MLLT1: variants seen among roughly 807,000 people sequenced by gnomAD.
The protein encoded by MLLT1 is protein ENL.
A neutral mutation model predicts 55.1 loss-of-function variants in MLLT1; 11 were observed. The ratio of observed to expected loss-of-function variants is 0.20; its 90% CI spans 0.13 to 0.33. MLLT1 has a LOEUF of 0.33. Among genes scored for constraint, MLLT1 ranks in the 10% least tolerant of loss-of-function variants. MLLT1 has a pLI of 1.00. For missense variants in MLLT1, 536 were observed against 760.6 expected (o/e 0.70, Z 3.47); for synonymous variants, 323 against 320.1 (o/e 1.01, Z -0.10).
rs1024124999 is a variant in MLLT1 at position 6,222,965 on chromosome 19, C to G, written c.547-281G>C. Among the ~76,000 whole-genome samples, 2 of 152,190 alleles carry G rather than the reference C, an allele frequency of 1.3e-5. No individual in the cohort carries two copies. The highest frequency in any genetic ancestry group is 4.8e-5 in the African/African-American group (2 of 41,454). On this transcript the variant is annotated intron_variant, in intron 5 of 11. Transcript: ENST00000252674. This position sits in a 1 kb window ranked among gnomAD's most constrained non-coding sequence, Gnocchi z 4.1. Reference sequence around the variant, plus strand: ...CATTCCCTGAGGGATTCAAGAAGAGCACAGGGTGAGTCAGGCAGAGCATGG... The same window carrying G: ...CATTCCCTGAGGGATTCAAGAAGAGGACAGGGTGAGTCAGGCAGAGCATGG...
chr19:6,218,471 C>T (rs937154532), intron 6 of MLLT1, among the ~76,000 whole-genome samples: 2 of 152,242 alleles, frequency 1.3e-5, no homozygotes, highest in African/African-American at 4.8e-5. Context: ...GGTGTGGACA[C>T]TTCTTGTTCT....
chr19:6,216,677 C>A lies in MLLT1; in HGVS notation c.1199-164G>T, dbSNP rs567905797. 25 of 586,644 alleles carry A rather than the reference C, an allele frequency of 4.3e-5. 1 individual carries two copies. In the East Asian group the frequency reaches 6.8e-4, roughly 16 times the overall value. 36.3% of individuals were successfully genotyped at this position (586,644 alleles called of 1,614,324 possible). ...CCTGTGCCCATCTCTAAGAACTGCC[C>A]CCACACCGGCAGCCACCCGCTTCCC... On this transcript the variant is annotated intron_variant, in intron 7 of 11. Transcript: ENST00000252674.
rs1345167484 is a variant in MLLT1, at chr19:6,213,806, A to G, written c.1408-9T>C. The G allele has an allele frequency of 1.9e-6, 3 of 1,613,260 alleles. No homozygotes were observed. Among genetic ancestry groups the G allele is most frequent in the Non-Finnish European group, 2.5e-6 (3 of 1,179,650 alleles). ...CTCCTCCGGCCTGACACCTGCAGGGAACCCAGGTCTCTGCTGAGCTGTGGC... is the reference window on the plus strand; with the variant it reads ...CTCCTCCGGCCTGACACCTGCAGGGGACCCAGGTCTCTGCTGAGCTGTGGC... On this transcript the variant is annotated splice_polypyrimidine_tract_variant and intron_variant, in intron 9 of 11. Coordinates refer to ENST00000252674, the MANE Select transcript of MLLT1 (RefSeq NM_005934.4).
At chr19:6,258,871 T>C (rs2091280130) in intron 3 of MLLT1, among the ~76,000 whole-genome samples, 1 of 152,220 alleles carries the variant, frequency 6.6e-6, no homozygotes, top group African/African-American at 2.4e-5. Context: ...CTGAACTTCC[T>C]TGCCCAGACT....
Position 6,213,405 on chromosome 19 carries a change from A to T in MLLT1, c.1483T>A (p.Tyr495Asn). 6.2e-7 allele frequency: 1 copy of T among 1,611,098 alleles called. No individual in the cohort carries two copies. The highest frequency in any genetic ancestry group is 8.5e-7 in the Non-Finnish European group (1 of 1,179,756). ...TGTAGCTCCACCAGCTCATCCGTGTAGGCCTGGGGAGGGGGGGCAGGTCTC... is the reference window on the plus strand; with the variant it reads ...TGTAGCTCCACCAGCTCATCCGTGTTGGCCTGGGGAGGGGGGGCAGGTCTC... ...ILKKGTYDKA[Y>N]TDELVELHRR... The change falls in exon 11 of 12, where the codon TAC becomes AAC. Residue 495 changes from tyrosine to asparagine, a missense_variant. This residue lies in a region of MLLT1 where 449 missense variants were observed against 489.0 expected (regional missense o/e 0.92). Transcript: ENST00000252674.
chr19:6,234,075 T>G (rs1171727839), intron 3 of MLLT1, among the ~76,000 whole-genome samples: 2 of 152,154 alleles, frequency 1.3e-5, no homozygotes, highest in African/African-American at 4.8e-5. Flanking sequence ...GAAGGCTCCC[T>G]GGAGGCTGTG....
rs1174514674 is a variant in MLLT1 at position 6,230,633 on chromosome 19, G to A, written c.357C>T (p.Cys119=). Residue 119 remains cysteine (C), a synonymous_variant, in exon 4 of 12, where the codon TGC becomes TGT. Coordinates refer to ENST00000252674, the MANE Select transcript of MLLT1 (RefSeq NM_005934.4). The surrounding 1 kb of genome is among the most constrained non-coding windows in gnomAD (Gnocchi z 9.0). The stretch of plus-strand genomic sequence containing the variant: ...TGGGGTTGTTGAAGGTGAGCTTCTC[G>A]CAGCGCAGGTGGTTCACGGGCGGGT... ...EGNPPVNHLR[C]EKLTFNNPTT... The A allele has an allele frequency of 2.5e-6, 4 of 1,614,080 alleles. No individual in the cohort carries two copies. Among genetic ancestry groups the A allele is most frequent in the South Asian group, 1.1e-5 (1 of 91,088 alleles).
rs527765014 is a variant in MLLT1, at chr19:6,235,075, T to C, written c.277-4362A>G. ...CCTTTTGAAATATTTACACATGAAA[T>C]GAGGATGTCTGGGATTTGCTCCAGA... On this transcript the variant is annotated intron_variant, in intron 3 of 11. Coordinates refer to ENST00000252674, the MANE Select transcript of MLLT1 (RefSeq NM_005934.4). This position sits in a 1 kb window ranked among gnomAD's most constrained non-coding sequence, Gnocchi z 5.5. 6.6e-6 allele frequency among the ~76,000 whole-genome samples: 1 copy of C among 152,252 alleles called. No homozygotes were observed. Among genetic ancestry groups the C allele is most frequent in the South Asian group, 2.1e-4 (1 of 4,812 alleles).
At chr19:6,260,083 G>A (rs979105046) in intron 3 of MLLT1, among the ~76,000 whole-genome samples, 2 of 152,122 alleles carry the variant, frequency 1.3e-5, no homozygotes, top group Non-Finnish European at 1.5e-5. Context: ...GAGGAACATG[G>A]GGTCCCATGC....
chr19:6,247,365 C>G (rs936216864), intron 3 of MLLT1, among the ~76,000 whole-genome samples: 2 of 152,154 alleles, frequency 1.3e-5, no homozygotes, highest in Non-Finnish European at 2.9e-5. Flanking sequence ...GGGAAATACA[C>G]GGTGAGCCTG....
chr19:6,262,870 T>C lies in MLLT1; in HGVS notation c.194-560A>G, dbSNP rs117924814. Among the ~76,000 whole-genome samples the C allele has an allele frequency of 0.029, 4,465 of 151,518 alleles. 114 individuals are homozygous for C. Among genetic ancestry groups the C allele is most frequent in the Non-Finnish European group, 0.046 (3,110 of 67,834 alleles). Reference sequence around the variant, plus strand: ...CCCAAGTGACGCAAACAAAACCCCATTGACCCCAGAGATTAAAAAAGAAAA... The same window carrying C: ...CCCAAGTGACGCAAACAAAACCCCACTGACCCCAGAGATTAAAAAAGAAAA... On this transcript the variant is annotated intron_variant, in intron 2 of 11. Coordinates refer to ENST00000252674, the MANE Select transcript of MLLT1 (RefSeq NM_005934.4). The surrounding 1 kb of genome is among the most constrained non-coding windows in gnomAD (Gnocchi z 4.4).
In MLLT1 at chr19:6,240,208, A is replaced by C. The variant is rs2144896750; in HGVS notation, c.277-9495T>G. 2.0e-5 allele frequency among the ~76,000 whole-genome samples: 3 copies of C among 152,350 alleles called. No homozygotes were observed. The South Asian group carries it at 6.2e-4, about 32-fold the overall frequency. ...GACCGCTCAGCCTGGGAGGCCAGGG[A>C]GACCCCAGAGGCCCCGCCCCCTCCC... is the stretch of plus-strand genomic sequence containing the variant. On this transcript the variant is annotated intron_variant, in intron 3 of 11. Transcript: ENST00000252674. The surrounding 1 kb of genome is among the most constrained non-coding windows in gnomAD (Gnocchi z 4.7).
chr19:6,214,745 GA>G (rs761392213), intron 8 of MLLT1, among the ~76,000 whole-genome samples: 8 of 152,176 alleles, frequency 5.3e-5, no homozygotes, highest in Admixed American at 1.3e-4. Flanking sequence ...GATCCAGTGA[GA>G]GGGGCCCCTG....
At chr19:6,245,400 A>T (rs1413265048) in intron 3 of MLLT1, among the ~76,000 whole-genome samples, 1 of 150,234 alleles carries the variant, frequency 6.7e-6, no homozygotes, top group Non-Finnish European at 1.5e-5. Flanking sequence ...CCCTTAAAAA[A>T]GTTTTTTTAA....
At chr19:6,237,171 C>T (rs1053880831) in intron 3 of MLLT1, among the ~76,000 whole-genome samples, 1 of 152,208 alleles carries the variant, frequency 6.6e-6, no homozygotes, top group African/African-American at 2.4e-5. Context: ...GGCCTTGGCA[C>T]GAGGCACAGC....
At chr19:6,228,914 G>A (rs1299839632) in intron 4 of MLLT1, among the ~76,000 whole-genome samples, 2 of 152,148 alleles carry the variant, frequency 1.3e-5, no homozygotes, top group Non-Finnish European at 2.9e-5. Context: ...GCGTCTCTCT[G>A]TGGAGCCAGC....
chr19:6,271,991 C>T (rs1458855406), intron 1 of MLLT1, among the ~76,000 whole-genome samples: 3 of 152,254 alleles, frequency 2.0e-5, no homozygotes, highest in Admixed American at 6.5e-5. Context: ...AGTGCCCCGG[C>T]GCCTGGCCGG....
chr19:6,268,342 C>T (rs2091365928), intron 2 of MLLT1, among the ~76,000 whole-genome samples: 1 of 152,166 alleles, frequency 6.6e-6, no homozygotes, highest in Non-Finnish European at 1.5e-5. Context: ...TAAATTCTAA[C>T]CCTTCAAGCT....
chr19:6,256,945 C>T lies in MLLT1; in HGVS notation c.276+5283G>A, dbSNP rs1206131550. ...CTCGATGGCGAAAGAACAGTCTCTT[C>T]AGTGAACGGTGCTGGGACACCTGGA... On this transcript the variant is annotated intron_variant, in intron 3 of 11. Transcript: ENST00000252674. The surrounding 1 kb of genome is among the most constrained non-coding windows in gnomAD (Gnocchi z 4.1). Among the ~76,000 whole-genome samples, 1 of 152,156 alleles carries T rather than the reference C, an allele frequency of 6.6e-6. No individual in the cohort carries two copies. The highest frequency in any genetic ancestry group is 6.5e-5 in the Admixed American group (1 of 15,278).
Sources: allele counts gnomAD v4.1 joint callset (sites outside exome capture counted in the v4.1 genomes callset), GRCh38; gene constraint gnomAD v4.1.1; regional missense constraint gnomAD v4.1.1; non-coding constraint Gnocchi (gnomAD v3.1); transcripts MANE v1.5; gene names NCBI Gene and HGNC (gene_info 2026-07-23, HGNC 2026-07-21).